The following DNAJC6 variants were observed in gnomAD, a reference collection of about 807,000 sequenced individuals.
DNAJC6 encodes the protein auxilin.
In DNAJC6, 34 loss-of-function variants were observed where a neutral mutation model predicts 110.0. The observed-to-expected ratio is 0.31, with a 90% CI of 0.24 to 0.41. DNAJC6 has a LOEUF of 0.41. Among genes scored for constraint, DNAJC6 ranks in the 10% least tolerant of loss-of-function variants. The pLI, the probability that DNAJC6 is intolerant of heterozygous loss-of-function variation, is 1.00. For missense variants in DNAJC6, 1,031 were observed against 1,207.8 expected, an observed-to-expected ratio of 0.85 and a Z score of 2.17; for synonymous variants, 406 against 437.2, an observed-to-expected ratio of 0.93 and a Z score of 0.89.
intron 1 of DNAJC6, among the ~76,000 whole-genome samples, chr1:65,286,867 G>A (rs376185113): frequency 8.5e-4 from 129 of 152,236 alleles, no homozygotes; most frequent in African/African-American, 2.9e-3. Flanking sequence ...AAGGCCTTGA[G>A]GATCAGAATT....
intron 9 of DNAJC6, 93 bp from the exon 10 acceptor site, chr1:65,389,154 TTAGATTTAA>T: frequency 9.1e-7 from 1 of 1,097,800 alleles, no homozygotes; most frequent in Non-Finnish European, 1.3e-6. Context: ...GAAATGAGAC[TTAGATTTAA>T]CCTAAGAGTC....
chr1:65,315,180 A>G (rs957146034), intron 1 of DNAJC6, among the ~76,000 whole-genome samples: 1 of 152,164 alleles, frequency 6.6e-6, no homozygotes, highest in African/African-American at 2.4e-5. Flanking sequence ...ATTCTCTCTT[A>G]GTCTTAATTT....
At chr1:65,277,856 G>A (rs1048312394) in intron 1 of DNAJC6, among the ~76,000 whole-genome samples, 1 of 152,200 alleles carries the variant, frequency 6.6e-6, no homozygotes, top group Non-Finnish European at 1.5e-5. Context: ...TGGTCGAAGA[G>A]ACGTCTGGCT....
intron 4 of DNAJC6, among the ~76,000 whole-genome samples, chr1:65,378,180 C>T (rs945179762): frequency 6.6e-6 from 1 of 152,222 alleles, no homozygotes; most frequent in Non-Finnish European, 1.5e-5. Flanking sequence ...TCACCAACCT[C>T]CTGACTGGTC....
intron 1 of DNAJC6, among the ~76,000 whole-genome samples, chr1:65,268,529 G>A (rs540906399): frequency 6.6e-6 from 1 of 152,172 alleles, no homozygotes; most frequent in Non-Finnish European, 1.5e-5. Flanking sequence ...TGCAAGGTAG[G>A]TGGTATTTTA....
Position 65,379,709 on chromosome 1 carries a change from C to T in DNAJC6, c.666+185C>T, listed in dbSNP as rs1428747436. 1.2e-5 allele frequency: 10 copies of T among 842,498 alleles called. No individual in the cohort carries two copies. In the East Asian group the frequency reaches 2.8e-4, roughly 24 times the overall value. The allele number at this position is 842,498 out of a possible 1,614,324, so 52.2% of individuals were successfully genotyped here. A position where few individuals can be genotyped will look rare whatever the true frequency, so the allele number is the denominator to read the frequency against. ...TTATTATTCTTGACTTAAAGCTTGA[C>T]TACTAGTGGGAAAGGCAGATGTATA... On this transcript the variant is annotated intron_variant, in intron 5 of 18. Transcript: ENST00000371069.
At chr1:65,283,511 T>A (rs1196990951) in intron 1 of DNAJC6, among the ~76,000 whole-genome samples, 1 of 152,170 alleles carries the variant, frequency 6.6e-6, no homozygotes, top group Non-Finnish European at 1.5e-5. Flanking sequence ...CTGAGTAGTA[T>A]TCCCTAAAAT....
intron 14 of DNAJC6, 110 bp from the exon 15 acceptor site, chr1:65,401,651 C>T (rs1378583535): frequency 6.2e-6 from 9 of 1,441,302 alleles, no homozygotes; most frequent in Non-Finnish European, 8.3e-6. Context: ...ATTTTCAAAC[C>T]CTGTCCTAAT....
intron 1 of DNAJC6, among the ~76,000 whole-genome samples, chr1:65,326,838 T>G (rs1004258205): frequency 6.6e-6 from 1 of 152,244 alleles, no homozygotes; most frequent in African/African-American, 2.4e-5. Context: ...TCCCAAATTC[T>G]AAATTCCAGG....
intron 11 of DNAJC6, among the ~76,000 whole-genome samples, chr1:65,391,002 T>C (rs1359125362): frequency 6.6e-6 from 1 of 152,222 alleles, no homozygotes; most frequent in Non-Finnish European, 1.5e-5. Context: ...GGTTTTAGTA[T>C]AGATGCACAG....
At chr1:65,403,901 G>A (rs532385126) in intron 15 of DNAJC6, among the ~76,000 whole-genome samples, 12 of 152,162 alleles carry the variant, frequency 7.9e-5, no homozygotes, top group Non-Finnish European at 1.6e-4. Flanking sequence ...GCATCTAGAG[G>A]ATGCTCAGTA....
At chr1:65,269,835 A>G (rs1446354211) in intron 1 of DNAJC6, among the ~76,000 whole-genome samples, 2 of 152,196 alleles carry the variant, frequency 1.3e-5, no homozygotes, top group African/African-American at 2.4e-5. Flanking sequence ...TTTGATGGTC[A>G]TATGATTGAG....
Position 65,412,945 on chromosome 1 carries a change from C to A in DNAJC6, c.2833C>A (p.Gln945Lys), listed in dbSNP as rs1309225779. The A allele has an allele frequency of 1.2e-6, 2 of 1,613,876 alleles. No homozygotes were observed. The highest frequency in any genetic ancestry group is 1.7e-6 in the Non-Finnish European group (2 of 1,179,978). Residue 945 changes from glutamine (Q) to lysine (K), a missense_variant, in exon 19 of 19, where the codon CAA (glutamine) becomes AAA (lysine). By Grantham distance (53) the Gln-to-Lys change is moderately conservative (BLOSUM62 1). Coordinates refer to ENST00000371069, the MANE Select transcript of DNAJC6 (RefSeq NM_001256864.2). The stretch of plus-strand genomic sequence containing the variant: ...ACAGGCTACTGGGCAACCCTATGAA[C>A]AATACGCAAAGATGATTTTCATGGA... Reference protein sequence around the residue: ...PDKATGQPYEQYAKMIFMELN... With the variant: ...PDKATGQPYEKYAKMIFMELN...
At chr1:65,301,150 A>G (rs990159564) in intron 1 of DNAJC6, among the ~76,000 whole-genome samples, 5 of 152,182 alleles carry the variant, frequency 3.3e-5, no homozygotes, top group African/African-American at 1.2e-4. Flanking sequence ...GAGAAGCTGA[A>G]GTTTTCCTAC....
intron 4 of DNAJC6, among the ~76,000 whole-genome samples, chr1:65,377,386 C>A (rs1382376718): frequency 6.6e-6 from 1 of 152,084 alleles, no homozygotes; most frequent in Admixed American, 6.6e-5. Context: ...ACAAACACGT[C>A]AATGGGGAAT....
intron 14 of DNAJC6, among the ~76,000 whole-genome samples, chr1:65,399,619 G>A (rs531872101): frequency 9.2e-5 from 14 of 152,096 alleles, no homozygotes; most frequent in African/African-American, 2.9e-4. Flanking sequence ...GCACTTTGTT[G>A]TGCAACAGAT....
chr1:65,352,395 G>C (rs527281126), intron 1 of DNAJC6, among the ~76,000 whole-genome samples: 6 of 152,254 alleles, frequency 3.9e-5, no homozygotes, highest in African/African-American at 1.4e-4. Flanking sequence ...TGAATGAACT[G>C]ACCTCTGACT....
At chr1:65,348,061 A>G (rs990906718) in intron 1 of DNAJC6, among the ~76,000 whole-genome samples, 16 of 152,202 alleles carry the variant, frequency 1.1e-4, no homozygotes, top group Non-Finnish European at 1.9e-4. Context: ...ATTCAAGCAT[A>G]TGGCAAAAGG....
At chr1:65,360,479 A>G (rs1350382580) in intron 1 of DNAJC6, among the ~76,000 whole-genome samples, 2 of 152,216 alleles carry the variant, frequency 1.3e-5, no homozygotes, top group Non-Finnish European at 2.9e-5. Context: ...TTGAAGAGAC[A>G]TCTAATCAAT....
Sources: allele counts gnomAD v4.1 joint callset (sites outside exome capture counted in the v4.1 genomes callset), GRCh38; gene constraint gnomAD v4.1.1; transcripts MANE v1.5; gene names NCBI Gene and HGNC (gene_info 2026-07-23, HGNC 2026-07-21).